The following HCRTR2 variants were observed in gnomAD, a reference collection of about 807,000 sequenced individuals.
HCRTR2 encodes orexin receptor type 2.
Under a neutral mutation model 49.0 loss-of-function variants are expected in HCRTR2, and 22 were observed. The ratio of observed to expected loss-of-function variants is 0.45; its 90% CI spans 0.32 to 0.64. The LOEUF (loss-of-function observed/expected upper bound fraction) is 0.64. Ranked by LOEUF, HCRTR2 falls within the 30% of genes least tolerant of loss-of-function variation. HCRTR2 has a pLI of 0.04. For synonymous variants in HCRTR2, 236 were observed against 205.3 expected (o/e 1.15, Z -1.28); for missense variants, 491 against 559.4 (o/e 0.88, Z 1.23).
chr6:55,132,282 C>T (rs1475249747), intron 1 of HCRTR2, among the ~76,000 whole-genome samples: 1 of 151,822 alleles, frequency 6.6e-6, no homozygotes, highest in Non-Finnish European at 1.5e-5. Context: ...ATAAAATGCA[C>T]ACATTTTAAG....
chr6:55,262,570 A>T (rs1336832141), intron 3 of HCRTR2, among the ~76,000 whole-genome samples: 14 of 132,774 alleles, frequency 1.1e-4, no homozygotes, highest in Admixed American at 5.9e-4. Flanking sequence ...TTATATATTT[A>T]TATATAAATA....
At chr6:55,274,801 T>C (rs1444983208) in intron 4 of HCRTR2, among the ~76,000 whole-genome samples, 1 of 152,200 alleles carries the variant, frequency 6.6e-6, no homozygotes, top group African/African-American at 2.4e-5. Flanking sequence ...AGTTGTTAGC[T>C]GTCTTTTGTT....
chr6:55,226,466 G>A (rs9382468), intron 1 of HCRTR2, among the ~76,000 whole-genome samples: 1 of 151,900 alleles, frequency 6.6e-6, no homozygotes, highest in Non-Finnish European at 1.5e-5. Flanking sequence ...GCACCACCAC[G>A]CCTGGCTAAT....
chr6:55,250,087 A>T (rs1766519543), intron 2 of HCRTR2, among the ~76,000 whole-genome samples: 1 of 152,100 alleles, frequency 6.6e-6, no homozygotes, highest in Non-Finnish European at 1.5e-5. Flanking sequence ...GAAGTGAAAA[A>T]TTTTTAAGGT....
intron 1 of HCRTR2, among the ~76,000 whole-genome samples, chr6:55,144,796 C>T (rs892125962): frequency 1.3e-5 from 2 of 152,122 alleles, no homozygotes; most frequent in African/African-American, 4.8e-5. Flanking sequence ...CAAAGACTAC[C>T]TGTGTGCATT....
intron 1 of HCRTR2, among the ~76,000 whole-genome samples, chr6:55,157,793 C>A (rs568099628): frequency 1.3e-5 from 2 of 152,280 alleles, no homozygotes; most frequent in African/African-American, 2.4e-5. Flanking sequence ...TCTGCAACAG[C>A]CAAAGCATTA....
At position 55,165,743 on chromosome 6, in the gene HCRTR2, GAATA is replaced by G. The variant is rs1365823020; in HGVS notation, c.-377-8467_-377-8464del. Among the ~76,000 whole-genome samples the G allele has an allele frequency of 4.2e-3, 382 of 90,188 alleles. 6 individuals are homozygous for G. Among genetic ancestry groups the G allele is most frequent in the Non-Finnish European group, 5.7e-3 (286 of 50,474 alleles). The allele number at this position is 90,188 out of a possible 152,430, so 59.2% of individuals were successfully genotyped here. ...GTATTTGTTAAGGGATTAGTATACAGAATATATATATATATATATATATATATAT... is the reference window on the plus strand; with the variant it reads ...GTATTTGTTAAGGGATTAGTATACAGTATATATATATATATATATATATAT... On this transcript the variant is annotated intron_variant, in intron 1 of 7. Transcript: ENST00000615358.
intron 1 of HCRTR2, among the ~76,000 whole-genome samples, chr6:55,162,738 A>G (rs1764823924): frequency 6.6e-6 from 1 of 152,178 alleles, no homozygotes; most frequent in African/African-American, 2.4e-5. Flanking sequence ...CCCATTCAAA[A>G]TACCTAGGAA....
At chr6:55,164,699 AC>A (rs1764851638) in intron 1 of HCRTR2, among the ~76,000 whole-genome samples, 1 of 152,096 alleles carries the variant, frequency 6.6e-6, no homozygotes, top group African/African-American at 2.4e-5. Context: ...GGTGCAGCAA[AC>A]CACCGTGGCA....
At chr6:55,261,282 A>G (rs546965339) in intron 3 of HCRTR2, among the ~76,000 whole-genome samples, 1 of 152,360 alleles carries the variant, frequency 6.6e-6, no homozygotes, top group South Asian at 2.1e-4. Flanking sequence ...GGCTAAGAAC[A>G]TGAATAGACA....
intron 1 of HCRTR2, among the ~76,000 whole-genome samples, chr6:55,160,204 T>G (rs1764787126): frequency 6.6e-6 from 1 of 152,128 alleles, no homozygotes; most frequent in African/African-American, 2.4e-5. Context: ...AAGAAAAGAA[T>G]TTTCAACCCA....
chr6:55,213,438 G>A (rs1415367117), intron 1 of HCRTR2, among the ~76,000 whole-genome samples: 1 of 152,118 alleles, frequency 6.6e-6, no homozygotes, highest in African/African-American at 2.4e-5. Flanking sequence ...CAGCAAGATG[G>A]AGATATAGAA....
At chr6:55,193,625 G>C (rs953593363) in intron 1 of HCRTR2, among the ~76,000 whole-genome samples, 1 of 149,678 alleles carries the variant, frequency 6.7e-6, no homozygotes, top group Admixed American at 6.7e-5. Flanking sequence ...GCATTCCTAT[G>C]GTCCTCACCT....
chr6:55,178,746 T>C (rs911360566), intron 1 of HCRTR2, among the ~76,000 whole-genome samples: 1 of 152,198 alleles, frequency 6.6e-6, no homozygotes, highest in Non-Finnish European at 1.5e-5. Flanking sequence ...CCACACTAGC[T>C]CCACCCACCC....
In HCRTR2 at chr6:55,209,098, T is replaced by C. The variant is rs555507829; in HGVS notation, c.223+34288T>C. 6.0e-4 allele frequency among the ~76,000 whole-genome samples: 91 copies of C among 152,258 alleles called. 1 individual carries two copies. The highest frequency in any genetic ancestry group is 2.9e-3 in the South Asian group (14 of 4,820). ...TAATAATAGGGTAAATCAAACAATGTTTTCTAAATCCATTAAAATAGAGTT... is the reference window on the plus strand; with the variant it reads ...TAATAATAGGGTAAATCAAACAATGCTTTCTAAATCCATTAAAATAGAGTT... On this transcript the variant is annotated intron_variant, in intron 1 of 6. Coordinates refer to ENST00000370862, the MANE Select transcript of HCRTR2 (RefSeq NM_001384272.1).
intron 1 of HCRTR2, among the ~76,000 whole-genome samples, chr6:55,149,252 A>T (rs1235651778): frequency 1.3e-5 from 2 of 152,102 alleles, no homozygotes; most frequent in Non-Finnish European, 2.9e-5. Flanking sequence ...AAAGTCCAAA[A>T]TATGTTTGCT....
intron 1 of HCRTR2, among the ~76,000 whole-genome samples, chr6:55,128,915 G>T (rs1284177771): frequency 6.6e-6 from 1 of 152,108 alleles, no homozygotes; most frequent in Admixed American, 6.6e-5. Context: ...TAGATGTTAA[G>T]TATTCCATGC....
intron 1 of HCRTR2, among the ~76,000 whole-genome samples, chr6:55,216,109 A>G (rs1765781626): frequency 6.6e-6 from 1 of 152,210 alleles, no homozygotes; most frequent in African/African-American, 2.4e-5. Context: ...TTAAGCCATT[A>G]GCCCATTAAT....
chr6:55,118,072 G>A (rs1259003563), intron 1 of HCRTR2, among the ~76,000 whole-genome samples: 1 of 151,548 alleles, frequency 6.6e-6, no homozygotes, highest in Non-Finnish European at 1.5e-5. Context: ...TCTCCACAAG[G>A]CCCCAGTGTG....
Sources: allele counts gnomAD v4.1 joint callset (sites outside exome capture counted in the v4.1 genomes callset), GRCh38; gene constraint gnomAD v4.1.1; transcripts MANE v1.5; gene names NCBI Gene and HGNC (gene_info 2026-07-23, HGNC 2026-07-21).